The following KIF11 variants were observed in gnomAD, a reference collection of about 807,000 sequenced individuals.
The protein encoded by KIF11 is kinesin-like protein KIF11.
A neutral mutation model predicts 121.0 loss-of-function variants in KIF11; 9 were observed. That is an observed-to-expected ratio of 0.07 (90% CI 0.04 to 0.13). The LOEUF (loss-of-function observed/expected upper bound fraction) is 0.13. Among genes scored for constraint, KIF11 ranks in the 10% least tolerant of loss-of-function variants. The pLI, the probability that KIF11 is intolerant of heterozygous loss-of-function variation, is 1.00. For missense variants in KIF11, 846 were observed against 1,217.5 expected (o/e 0.69, Z 4.54); for synonymous variants, 408 against 421.0 (o/e 0.97, Z 0.38).
intron 17 of KIF11, among the ~76,000 whole-genome samples, chr10:92,641,420 C>T (rs1391997829): frequency 6.6e-6 from 1 of 152,094 alleles, no homozygotes; most frequent in African/African-American, 2.4e-5. Flanking sequence ...CCCTTCATTC[C>T]TGAAAGGTAT....
intron 17 of KIF11, among the ~76,000 whole-genome samples, chr10:92,640,800 G>A (rs1436666957): frequency 6.6e-6 from 1 of 151,814 alleles, no homozygotes; most frequent in South Asian, 2.1e-4. Flanking sequence ...TGGCGCGAGT[G>A]CAGTGGTGTG....
In KIF11 at chr10:92,651,507, GTTTTTTTTTTTTTTTTTTTTTTTTTTTT is replaced by G. The variant is rs1175303233; in HGVS notation, c.3039+1004_3039+1031del. Among the ~76,000 whole-genome samples, 361 of 52,980 alleles carry G rather than the reference GTTTTTTTTTTTTTTTTTTTTTTTTTTTT, an allele frequency of 6.8e-3. 3 individuals carry two copies. The highest frequency in any genetic ancestry group is 0.019 in the Middle Eastern group (1 of 54). The allele number at this position is 52,980 out of a possible 152,430, so 34.8% of individuals were successfully genotyped here. On this transcript the variant is annotated intron_variant, in intron 21 of 21. Transcript: ENST00000260731. The stretch of plus-strand genomic sequence containing the variant: ...TGTGCCACCATGCCTGGCTAATTTT[GTTTTTTTTTTTTTTTTTTTTTTTTTTTT>G]TTTTTTTTTTTTTAGTAGAGGGGGT...
chr10:92,639,773 C>T (rs1167500503), intron 16 of KIF11, 21 bp from the exon 17 acceptor site: 2 of 1,442,188 alleles, frequency 1.4e-6, no homozygotes. Flanking sequence ...AGTCTCTTCA[C>T]TTCCCACACC....
chr10:92,637,695 A>C (rs556868770), intron 16 of KIF11, 150 bp downstream of exon 16: 1 of 742,808 alleles, frequency 1.3e-6, no homozygotes, highest in Non-Finnish European at 2.1e-6. Flanking sequence ...AACAGTAATT[A>C]TTGTAGAACA....
At chr10:92,618,292 T>A (rs375948466) in intron 9 of KIF11, among the ~76,000 whole-genome samples, 7 of 132,698 alleles carry the variant, frequency 5.3e-5, no homozygotes, top group South Asian at 4.9e-4. Flanking sequence ...TTTTTTTTTT[T>A]AAATAAAGTT....
chr10:92,615,665 A>G (rs181179147), intron 8 of KIF11, among the ~76,000 whole-genome samples: 1 of 152,074 alleles, frequency 6.6e-6, no homozygotes, highest in East Asian at 1.9e-4. Context: ...TTTTGCATCT[A>G]TATATTTGCC....
intron 17 of KIF11, 143 bp from the exon 18 acceptor site, chr10:92,645,220 A>C (rs1022605119): frequency 1.0e-5 from 6 of 597,512 alleles, no homozygotes; most frequent in Non-Finnish European, 1.7e-5. Flanking sequence ...TTCTCAATGC[A>C]GAAGATTTAC....
At chr10:92,621,350 A>G in intron 9 of KIF11, 35 bp from the exon 10 acceptor site, 1 of 1,300,084 alleles carries the variant, frequency 7.7e-7, no homozygotes, top group East Asian at 2.3e-5. Context: ...TGAAAAAAGT[A>G]CTAAACTGAC....
chr10:92,652,291 C>T (rs1002745760), intron 21 of KIF11, among the ~76,000 whole-genome samples: 23 of 152,064 alleles, frequency 1.5e-4, no homozygotes, highest in Non-Finnish European at 1.2e-4. Flanking sequence ...CAGGCATGCA[C>T]CACCACACCT....
chr10:92,632,380 C>T lies in KIF11; in HGVS notation c.1495-106C>T. The T allele has an allele frequency of 5.3e-6, 4 of 755,472 alleles. No individual in the cohort carries two copies. In the South Asian group the frequency reaches 7.2e-5, roughly 14 times the overall value. The allele number at this position is 755,472 out of a possible 1,614,324, so 46.8% of individuals were successfully genotyped here. ...ACGGGGTTTCACCATGTTGGCCAGG[C>T]TGGAAAATTTACTAGTTCTTATCAA... On this transcript the variant is annotated intron_variant, in intron 12 of 21. Transcript: ENST00000260731.
chr10:92,628,482 G>T (rs1844701921), intron 10 of KIF11, among the ~76,000 whole-genome samples: 1 of 152,110 alleles, frequency 6.6e-6, no homozygotes. Flanking sequence ...TCTACTTTGA[G>T]TTATAGTCCG....
At position 92,654,133 on chromosome 10, in the gene KIF11, C is replaced by G. The variant is rs550545720; in HGVS notation, c.*337C>G. On this transcript the variant is annotated 3_prime_UTR_variant, in exon 22 of 22. Transcript: ENST00000260731. Reference sequence around the variant, plus strand: ...GGGGTTGCAGTGAGCCAAAGGTACACCACTACACTCCAGCCTGGGCAACAG... The same window carrying G: ...GGGGTTGCAGTGAGCCAAAGGTACAGCACTACACTCCAGCCTGGGCAACAG... 30 of 182,384 alleles carry G rather than the reference C, an allele frequency of 1.6e-4. 1 individual carries two copies. In the South Asian group the frequency reaches 3.7e-3, roughly 22 times the overall value. The allele number at this position is 182,384 out of a possible 1,614,324, so 11.3% of individuals were successfully genotyped here.
intron 1 of KIF11, among the ~76,000 whole-genome samples, chr10:92,596,483 A>G (rs1589584643): frequency 6.6e-6 from 1 of 151,612 alleles, no homozygotes; most frequent in African/African-American, 2.4e-5. Context: ...ATTCCTACCA[A>G]CAGTGCATAA....
rs1034697129 is a variant in KIF11, at chr10:92,613,735, G to A, written c.1032+116G>A. 9.8e-7 allele frequency: 1 copy of A among 1,025,018 alleles called. No homozygotes were observed. 63.5% of individuals were successfully genotyped at this position (1,025,018 alleles called of 1,614,324 possible). ...ACAGTGACTCACACCTGTAAACCCAGCACTTTGGAAGTCCAAGGTGGGCGG... is the reference window on the plus strand; with the variant it reads ...ACAGTGACTCACACCTGTAAACCCAACACTTTGGAAGTCCAAGGTGGGCGG... On this transcript the variant is annotated intron_variant, in intron 8 of 21. Coordinates refer to ENST00000260731, the MANE Select transcript of KIF11 (RefSeq NM_004523.4). The surrounding 1 kb of genome is among the most constrained non-coding windows in gnomAD (Gnocchi z 4.2).
rs527832132 is a variant in KIF11 at position 92,605,575 on chromosome 10, C to T, written c.78-690C>T. Reference sequence around the variant, plus strand: ...GATCTTGGCTCACCGCAACCTCCACCTCCCAGGTTCAAGCAATTCTCCTGC... The same window carrying T: ...GATCTTGGCTCACCGCAACCTCCACTTCCCAGGTTCAAGCAATTCTCCTGC... On this transcript the variant is annotated intron_variant, in intron 1 of 21. Transcript: ENST00000260731. 2.0e-5 allele frequency among the ~76,000 whole-genome samples: 3 copies of T among 150,356 alleles called. No homozygotes were observed. The East Asian group carries it at 5.9e-4, about 30-fold the overall frequency.
At chr10:92,621,855 CTT>C (rs34942989) in intron 10 of KIF11, among the ~76,000 whole-genome samples, 22,630 of 152,098 alleles carry the variant, frequency 0.15, 3,571 homozygotes, top group African/African-American at 0.4. Flanking sequence ...CTATCAAACA[CTT>C]TTTAAAAATC....
Position 92,637,242 on chromosome 10 carries a change from T to C in KIF11, c.1934T>C (p.Val645Ala). Residue 645 changes from valine to alanine, a missense_variant, in exon 15 of 22, where the codon GTG (valine) becomes GCG (alanine). Around this residue, in one of 5 missense-constraint regions of KIF11, gnomAD observed 492 missense variants for 603.4 expected, o/e 0.82. Coordinates refer to ENST00000260731, the MANE Select transcript of KIF11 (RefSeq NM_004523.4). ...SLEMILSPTVVSILKINSQLK... is the reference protein window; with the variant it reads ...SLEMILSPTVASILKINSQLK... ...GAAATGATTTTATCCCCAACTGTGGTGTCTATACTGAAAATCAATAGTCAA... is the reference window on the plus strand; with the variant it reads ...GAAATGATTTTATCCCCAACTGTGGCGTCTATACTGAAAATCAATAGTCAA... 6.3e-7 allele frequency: 1 copy of C among 1,587,646 alleles called. No individual in the cohort carries two copies. The highest frequency in any genetic ancestry group is 8.5e-7 in the Non-Finnish European group (1 of 1,173,658).
intron 17 of KIF11, among the ~76,000 whole-genome samples, chr10:92,642,254 C>T (rs1844872723): frequency 6.6e-6 from 1 of 152,060 alleles, no homozygotes; most frequent in Non-Finnish European, 1.5e-5. Flanking sequence ...ATTCAGGATC[C>T]TATTTAAGTA....
chr10:92,601,104 C>T (rs12411873), intron 1 of KIF11, among the ~76,000 whole-genome samples: 16,199 of 152,076 alleles, frequency 0.11, 1,018 homozygotes, highest in South Asian at 0.17. Context: ...GTGATCCATC[C>T]GCCTTGGCCT....
Sources: gnomAD v4.1 joint callset for allele counts (sites outside exome capture counted in the v4.1 genomes callset) on GRCh38, gnomAD v4.1.1 for gene constraint, gnomAD v4.1.1 regional missense constraint, Gnocchi (gnomAD v3.1) non-coding constraint, MANE v1.5 for transcripts, NCBI Gene and HGNC (gene_info 2026-07-23, HGNC 2026-07-21) for gene names.